Variants in PPP3CA observed in about 807,000 individuals in gnomAD.
PPP3CA encodes protein phosphatase 3 catalytic subunit alpha, also known as CAM-PRP catalytic subunit.
PPP3CA carries 14 observed loss-of-function variants against 66.5 expected under a neutral mutation model. The observed-to-expected ratio is 0.21, with a 90% CI of 0.14 to 0.33. The LOEUF is 0.33. PPP3CA is among the 10% of genes least tolerant of loss of function. The pLI is 1.00. For missense variants in PPP3CA, 317 were observed against 639.5 expected (o/e 0.50, Z 5.44); for synonymous variants, 232 against 226.2 (o/e 1.03, Z -0.23).
At chr4:101,119,652 G>T (rs1370022768) in intron 2 of PPP3CA, among the ~76,000 whole-genome samples, 1 of 152,008 alleles carries the variant, frequency 6.6e-6, no homozygotes, top group Non-Finnish European at 1.5e-5. Context: ...CAATTTAAAG[G>T]ATTATTTTGT....
chr4:101,072,497 C>T lies in PPP3CA; in HGVS notation c.955+8035G>A, dbSNP rs182307723. On this transcript the variant is annotated intron_variant, in intron 8 of 13. Transcript: ENST00000394854. ...GGGAAAAATATGCAGTTCCTTTGTG[C>T]CCTAGATTTTCATCAATAATATCAA... is the stretch of plus-strand genomic sequence containing the variant. Among the ~76,000 whole-genome samples the T allele has an allele frequency of 4.1e-3, 629 of 152,138 alleles. 20 individuals are homozygous for T. The highest frequency in any genetic ancestry group is 6.2e-4 in the South Asian group (3 of 4,820).
intron 1 of PPP3CA, chr4:101,330,281 G>A: frequency 2.3e-6 from 1 of 435,138 alleles, no homozygotes; most frequent in Non-Finnish European, 4.6e-6. Context: ...GACTGACTTG[G>A]TGCAATCCCA....
chr4:101,336,234 C>T (rs1358253799), intron 1 of PPP3CA, among the ~76,000 whole-genome samples: 1 of 148,350 alleles, frequency 6.7e-6, no homozygotes, highest in East Asian at 2.0e-4. Context: ...AAAAAAAAAG[C>T]AAACAAAAAC....
intron 8 of PPP3CA, among the ~76,000 whole-genome samples, chr4:101,075,328 A>G (rs1362700387): frequency 1.3e-5 from 2 of 152,202 alleles, no homozygotes. Flanking sequence ...TGATTACTAA[A>G]TTAGTTTCGT....
At chr4:101,162,541 A>C (rs1472990831) in intron 2 of PPP3CA, among the ~76,000 whole-genome samples, 1 of 149,262 alleles carries the variant, frequency 6.7e-6, no homozygotes, top group Non-Finnish European at 1.5e-5. Context: ...ATAAATAAAT[A>C]AATAAATAAA....
At position 101,063,270 on chromosome 4, in the gene PPP3CA, T is replaced by A. The variant is rs1337481113; in HGVS notation, c.1043A>T (p.Asp348Val). 6.2e-7 allele frequency: 1 copy of A among 1,611,674 alleles called. No individual in the cohort carries two copies. The highest frequency in any genetic ancestry group is 1.7e-5 in the Admixed American group (1 of 59,762). The change falls in exon 9 of 14, where the codon GAT becomes GTT. Residue 348 changes from aspartate to valine, a missense_variant. Physicochemically the swap from Asp to Val is radical, Grantham distance 152. Coordinates refer to ENST00000394854, the MANE Select transcript of PPP3CA (RefSeq NM_000944.5). ...AAATGGAAGGGACCAAGTAAAAACATCCATGAAATTTGGAAGCCAGTATGG... is the reference window on the plus strand; with the variant it reads ...AAATGGAAGGGACCAAGTAAAAACAACCATGAAATTTGGAAGCCAGTATGG... Reference protein sequence around the residue: ...PHPYWLPNFMDVFTWSLPFVG... With the variant: ...PHPYWLPNFMVVFTWSLPFVG...
At chr4:101,076,491 G>A (rs894738544) in intron 8 of PPP3CA, among the ~76,000 whole-genome samples, 1 of 152,130 alleles carries the variant, frequency 6.6e-6, no homozygotes, top group Non-Finnish European at 1.5e-5. Flanking sequence ...AAATACAAGA[G>A]AAAATGATTA....
chr4:101,265,753 C>A (rs1363107512), intron 1 of PPP3CA, among the ~76,000 whole-genome samples: 2 of 152,108 alleles, frequency 1.3e-5, no homozygotes, highest in Non-Finnish European at 2.9e-5. Flanking sequence ...TGCTTCAAAA[C>A]AAACATAACT....
chr4:101,137,428 G>A (rs1490737948), intron 2 of PPP3CA, among the ~76,000 whole-genome samples: 1 of 152,068 alleles, frequency 6.6e-6, no homozygotes, highest in Non-Finnish European at 1.5e-5. Flanking sequence ...GCTGAGGAAT[G>A]GTTTGCAGTT....
Position 101,040,029 on chromosome 4 carries a change from T to C in PPP3CA, c.1241+453A>G, listed in dbSNP as rs867382735. Among the ~76,000 whole-genome samples, 4 of 106,058 alleles carry C rather than the reference T, an allele frequency of 3.8e-5. 1 individual carries two copies. The highest frequency in any genetic ancestry group is 1.3e-4 in the African/African-American group (4 of 31,466). 69.6% of individuals were successfully genotyped at this position (106,058 alleles called of 152,430 possible). ...ATGGAAATTGAAACAGTAATTTTTCTCTCAATAATTAGAATAACATAGATT... is the reference window on the plus strand; with the variant it reads ...ATGGAAATTGAAACAGTAATTTTTCCCTCAATAATTAGAATAACATAGATT... On this transcript the variant is annotated intron_variant, in intron 11 of 13. Transcript: ENST00000394854.
chr4:101,289,489 G>T (rs1727950829), intron 1 of PPP3CA, among the ~76,000 whole-genome samples: 1 of 152,064 alleles, frequency 6.6e-6, no homozygotes, highest in South Asian at 2.1e-4. Context: ...TCTCTTTTTG[G>T]ACACTTCAGA....
chr4:101,051,846 A>G (rs889412764), intron 10 of PPP3CA, among the ~76,000 whole-genome samples: 1 of 152,174 alleles, frequency 6.6e-6, no homozygotes, highest in Non-Finnish European at 1.5e-5. Context: ...AACTAATGCT[A>G]TAAAAATCAT....
chr4:101,192,895 GT>G (rs1199341754), intron 2 of PPP3CA, among the ~76,000 whole-genome samples: 1 of 152,094 alleles, frequency 6.6e-6, no homozygotes, highest in Non-Finnish European at 1.5e-5. Context: ...CTTTCAATAA[GT>G]TCTCAATGCA....
Position 101,346,834 on chromosome 4 carries a change from G to C in PPP3CA, c.-38C>G, listed in dbSNP as rs765063339. ...GAGGACAGCGACGCGCTGCTCGTCC[G>C]TCCGACTGCACACCCCGACCGGACC... On this transcript the variant is annotated 5_prime_UTR_variant, in exon 1 of 14. Transcript: ENST00000394854. 1 of 1,598,152 alleles carries C rather than the reference G, an allele frequency of 6.3e-7. No homozygotes were observed. The highest frequency in any genetic ancestry group is 2.3e-5 in the East Asian group (1 of 44,132).
intron 12 of PPP3CA, 152 bp from the exon 13 acceptor site, chr4:101,029,347 T>TAAAAAAAAAAAAAAAAAAAAACA (rs1726818037): frequency 1.3e-5 from 1 of 78,822 alleles, no homozygotes; most frequent in Non-Finnish European, 2.1e-5. Context: ...ACAGAAATGC[T>TAAAAAAAAAAAAAAAAAAAAACA]AAAAAAAAAA....
At chr4:101,241,291 A>G (rs1042550248) in intron 1 of PPP3CA, among the ~76,000 whole-genome samples, 3 of 152,078 alleles carry the variant, frequency 2.0e-5, no homozygotes, top group African/African-American at 7.2e-5. Context: ...CAGCAATATC[A>G]TTTTTCCTAG....
intron 1 of PPP3CA, among the ~76,000 whole-genome samples, chr4:101,208,560 G>A (rs921982091): frequency 6.6e-5 from 10 of 152,270 alleles, no homozygotes; most frequent in African/African-American, 1.2e-4. Flanking sequence ...GGGGATATCC[G>A]TGATGGTATA....
chr4:101,083,644 C>T (rs1282639260), intron 6 of PPP3CA, among the ~76,000 whole-genome samples: 1 of 152,150 alleles, frequency 6.6e-6, no homozygotes, highest in African/African-American at 2.4e-5. Flanking sequence ...TCAAATATTG[C>T]ACCATTTGTG....
At chr4:101,303,399 C>G (rs1036870171) in intron 1 of PPP3CA, among the ~76,000 whole-genome samples, 1 of 151,940 alleles carries the variant, frequency 6.6e-6, no homozygotes, top group Non-Finnish European at 1.5e-5. Flanking sequence ...GTATTTTTTT[C>G]AGCAAAATTA....
Sources: allele counts gnomAD v4.1 joint callset (sites outside exome capture counted in the v4.1 genomes callset), GRCh38; gene constraint gnomAD v4.1.1; transcripts MANE v1.5; gene names NCBI Gene and HGNC (gene_info 2026-07-23, HGNC 2026-07-21).